HECW2: variants seen among roughly 807,000 people sequenced by gnomAD.
HECW2 encodes the protein HECT, C2 and WW domain containing E3 ubiquitin protein ligase 2.
Under a neutral mutation model 175.2 loss-of-function variants are expected in HECW2, and 61 were observed. The observed-to-expected ratio is 0.35, with a 90% CI of 0.28 to 0.43. The LOEUF (loss-of-function observed/expected upper bound fraction) is 0.43, where lower values mean the gene tolerates loss of function less well. Ranked by LOEUF, HECW2 falls within the 20% of genes least tolerant of loss-of-function variation. The pLI, the probability that HECW2 is intolerant of heterozygous loss-of-function variation, is 1.00. For synonymous variants in HECW2, 671 were observed against 731.0 expected, an observed-to-expected ratio of 0.92 and a Z score of 1.32; for missense variants, 1,524 against 2,000.5, an observed-to-expected ratio of 0.76 and a Z score of 4.54.
At chr2:196,553,660 G>C (rs565378446) in intron 1 of HECW2, among the ~76,000 whole-genome samples, 1 of 152,194 alleles carries the variant, frequency 6.6e-6, no homozygotes, top group Admixed American at 6.5e-5. Context: ...TGGTCTAGGA[G>C]ACATCTGCAT....
chr2:196,334,269 C>A (rs530780210), intron 4 of HECW2, among the ~76,000 whole-genome samples, 155 bp downstream of exon 4: 3 of 152,282 alleles, frequency 2.0e-5, no homozygotes, highest in African/African-American at 4.8e-5. Context: ...GTGTGCCAAC[C>A]TTGTAAGCTA....
At chr2:196,398,490 T>A (rs1426193466) in intron 2 of HECW2, among the ~76,000 whole-genome samples, 1 of 152,192 alleles carries the variant, frequency 6.6e-6, no homozygotes, top group Non-Finnish European at 1.5e-5. Context: ...GATTTAGTAA[T>A]AGCTATGAGA....
At chr2:196,270,053 G>T (rs925944487) in intron 17 of HECW2, among the ~76,000 whole-genome samples, 1 of 152,174 alleles carries the variant, frequency 6.6e-6, no homozygotes, top group Non-Finnish European at 1.5e-5. Context: ...CAACTTAGTG[G>T]ATCAGTATTT....
At chr2:196,239,125 G>A (rs1688357967) in intron 21 of HECW2, 1 of 152,220 alleles carries the variant, frequency 6.6e-6, no homozygotes, top group African/African-American at 2.4e-5. Flanking sequence ...ACTAACACAA[G>A]TGAGAAGTCC....
chr2:196,487,653 ACT>A (rs1687054293), intron 1 of HECW2, among the ~76,000 whole-genome samples: 1 of 152,052 alleles, frequency 6.6e-6, no homozygotes, highest in Non-Finnish European at 1.5e-5. Context: ...AGATAATTTG[ACT>A]CTGACACACA....
At chr2:196,280,168 G>T (rs758934119) in intron 14 of HECW2, among the ~76,000 whole-genome samples, 2 of 152,124 alleles carry the variant, frequency 1.3e-5, no homozygotes, top group African/African-American at 2.4e-5. Context: ...GATGAAAGAG[G>T]CTATTAGGAG....
At chr2:196,202,645 G>A (rs751382804) in intron 28 of HECW2, among the ~76,000 whole-genome samples, 1 of 152,126 alleles carries the variant, frequency 6.6e-6, no homozygotes, top group African/African-American at 2.4e-5. Flanking sequence ...GACTCTAATT[G>A]CCTTCAGTGA....
intron 1 of HECW2, among the ~76,000 whole-genome samples, chr2:196,578,294 A>G (rs542128459): frequency 6.6e-6 from 1 of 152,298 alleles, no homozygotes; most frequent in Admixed American, 6.5e-5. Flanking sequence ...ACTTGAAGAT[A>G]TATCAACTGA....
At chr2:196,258,304 G>A (rs1689146852) in intron 17 of HECW2, among the ~76,000 whole-genome samples, 1 of 152,222 alleles carries the variant, frequency 6.6e-6, no homozygotes, top group African/African-American at 2.4e-5. Context: ...TGTGTTGGGA[G>A]AGTCATCTAT....
At chr2:196,432,203 AC>A (rs1309032781) in intron 2 of HECW2, among the ~76,000 whole-genome samples, 2 of 152,130 alleles carry the variant, frequency 1.3e-5, no homozygotes, top group African/African-American at 4.8e-5. Flanking sequence ...ACTGCCATAA[AC>A]AGATGGGTCT....
intron 2 of HECW2, among the ~76,000 whole-genome samples, chr2:196,353,472 GTCTAT>G (rs1181756925): frequency 2.0e-5 from 3 of 152,100 alleles, no homozygotes; most frequent in African/African-American, 7.2e-5. Context: ...AAGGAATTTT[GTCTAT>G]TCTGTTTACT....
intron 3 of HECW2, among the ~76,000 whole-genome samples, chr2:196,334,923 T>C (rs1186537971): frequency 6.6e-6 from 1 of 152,184 alleles, no homozygotes; most frequent in African/African-American, 2.4e-5. Context: ...TGAGGTTTGC[T>C]GCAGGTCAGA....
chr2:196,588,444 T>A (rs1296665935), intron 1 of HECW2, among the ~76,000 whole-genome samples: 1 of 152,264 alleles, frequency 6.6e-6, no homozygotes, highest in Non-Finnish European at 1.5e-5. Context: ...AAAAGAATTA[T>A]ATCAATAGAA....
chr2:196,305,459 T>C (rs1280277136), intron 13 of HECW2, among the ~76,000 whole-genome samples: 1 of 152,194 alleles, frequency 6.6e-6, no homozygotes, highest in Non-Finnish European at 1.5e-5. Context: ...TGTATTAATA[T>C]ATACTAATTA....
At chr2:196,537,758 T>G (rs887945154) in intron 1 of HECW2, among the ~76,000 whole-genome samples, 3 of 152,184 alleles carry the variant, frequency 2.0e-5, no homozygotes, top group Non-Finnish European at 2.9e-5. Flanking sequence ...TGTCCAGATA[T>G]CCCGATATCT....
At chr2:196,510,105 C>A (rs1687894062) in intron 1 of HECW2, among the ~76,000 whole-genome samples, 1 of 152,126 alleles carries the variant, frequency 6.6e-6, no homozygotes. Context: ...GGCAGCAATC[C>A]CAGCCTAGCA....
chr2:196,367,908 CAT>C (rs746300552), intron 2 of HECW2, among the ~76,000 whole-genome samples: 14 of 146,258 alleles, frequency 9.6e-5, no homozygotes, highest in East Asian at 2.0e-4. Flanking sequence ...TACATAGATA[CAT>C]ATATATATGA....
chr2:196,548,523 A>C (rs193232382), intron 1 of HECW2, among the ~76,000 whole-genome samples: 49 of 152,272 alleles, frequency 3.2e-4, no homozygotes, highest in Admixed American at 3.2e-3. Flanking sequence ...CAGTCACTTT[A>C]ATTAGAAATT....
intron 2 of HECW2, among the ~76,000 whole-genome samples, chr2:196,347,781 C>T (rs536768457): frequency 6.6e-6 from 1 of 152,350 alleles, no homozygotes; most frequent in Admixed American, 6.5e-5. Flanking sequence ...AACCATGGTG[C>T]TTGTCAAGTA....
Sources: allele counts gnomAD v4.1 joint callset (sites outside exome capture counted in the v4.1 genomes callset), GRCh38; gene constraint gnomAD v4.1.1; transcripts MANE v1.5; gene names NCBI Gene and HGNC (gene_info 2026-07-23, HGNC 2026-07-21).